The following LRRC7 variants were observed in gnomAD, a reference collection of about 807,000 sequenced individuals.
LRRC7 encodes the protein leucine rich repeat containing 7, also known as leucine-rich repeat-containing protein 7.
LRRC7 carries 23 observed loss-of-function variants against 175.7 expected under a neutral mutation model. The observed-to-expected ratio is 0.13, with a 90% CI of 0.09 to 0.19. LRRC7 has a LOEUF of 0.19. Ranked by LOEUF, LRRC7 falls within the 10% of genes least tolerant of loss-of-function variation. LRRC7 has a pLI of 1.00. For missense variants in LRRC7, 1,354 were observed against 1,904.7 expected (o/e 0.71, Z 5.38); for synonymous variants, 685 against 680.9 (o/e 1.01, Z -0.09).
chr1:70,120,825 C>T (rs1050946984), intron 26 of LRRC7, among the ~76,000 whole-genome samples: 29 of 152,026 alleles, frequency 1.9e-4, no homozygotes, highest in Admixed American at 1.4e-3. Context: ...ACATAACCAT[C>T]AGTCATTCAG....
chr1:69,842,066 A>G (rs1165204900), intron 7 of LRRC7, among the ~76,000 whole-genome samples: 2 of 152,140 alleles, frequency 1.3e-5, no homozygotes, highest in Non-Finnish European at 2.9e-5. Flanking sequence ...ATAACTTCAT[A>G]TAATTAATAT....
chr1:69,817,574 G>A (rs1238939668), intron 4 of LRRC7, among the ~76,000 whole-genome samples: 3 of 151,936 alleles, frequency 2.0e-5, no homozygotes, highest in African/African-American at 7.2e-5. Context: ...GAGGCTTCCA[G>A]CTTTTTCTTC....
At chr1:69,994,365 T>C (rs1452404504) in intron 10 of LRRC7, among the ~76,000 whole-genome samples, 196 bp from the exon 11 acceptor site, 2 of 152,188 alleles carry the variant, frequency 1.3e-5, no homozygotes, top group Non-Finnish European at 2.9e-5. Context: ...CTGTCATTGA[T>C]GTATGCAACT....
intron 4 of LRRC7, among the ~76,000 whole-genome samples, chr1:69,798,320 A>T (rs1676046853): frequency 6.6e-6 from 1 of 151,982 alleles, no homozygotes; most frequent in South Asian, 2.1e-4. Context: ...CCTCTGACTA[A>T]ATCATTTTTT....
chr1:69,799,465 A>G (rs970249188), intron 4 of LRRC7, among the ~76,000 whole-genome samples: 15 of 152,034 alleles, frequency 9.9e-5, no homozygotes, highest in African/African-American at 1.9e-4. Flanking sequence ...GCAATATTTG[A>G]CTTTCTGTCT....
chr1:69,717,834 G>GAAA (rs1370578880), intron 2 of LRRC7, among the ~76,000 whole-genome samples: 15 of 30,228 alleles, frequency 5.0e-4, no homozygotes, highest in East Asian at 4.4e-3. Flanking sequence ...AAGAAAGAAA[G>GAAA]AAAGAAAAAA....
intron 9 of LRRC7, among the ~76,000 whole-genome samples, chr1:69,981,762 TA>T: frequency 6.6e-6 from 1 of 152,194 alleles, no homozygotes; most frequent in East Asian, 1.9e-4. Flanking sequence ...ATATGCCAGC[TA>T]AAAGTTTATA....
intron 24 of LRRC7, among the ~76,000 whole-genome samples, chr1:70,089,516 G>A (rs1013884366): frequency 6.6e-6 from 1 of 152,056 alleles, no homozygotes; most frequent in Non-Finnish European, 1.5e-5. Flanking sequence ...TTCTTGCCCA[G>A]GTAATTTCAA....
chr1:70,116,597 A>G (rs1665879425), intron 26 of LRRC7, among the ~76,000 whole-genome samples: 1 of 151,888 alleles, frequency 6.6e-6, no homozygotes, highest in Non-Finnish European at 1.5e-5. Flanking sequence ...TTTGTTCTGC[A>G]AAGGTTTTTT....
intron 7 of LRRC7, among the ~76,000 whole-genome samples, chr1:69,838,503 C>T (rs1218940557): frequency 6.6e-6 from 1 of 151,806 alleles, no homozygotes; most frequent in South Asian, 2.1e-4. Context: ...GGAAAGAGTT[C>T]ACTTAAGTTT....
chr1:69,704,695 C>A (rs773148294), intron 2 of LRRC7, among the ~76,000 whole-genome samples: 1 of 151,788 alleles, frequency 6.6e-6, no homozygotes, highest in Non-Finnish European at 1.5e-5. Context: ...GCTAAAAAAT[C>A]TTTTATTTTC....
chr1:69,769,616 T>A (rs1412107188), intron 3 of LRRC7, among the ~76,000 whole-genome samples: 1 of 152,222 alleles, frequency 6.6e-6, no homozygotes, highest in Non-Finnish European at 1.5e-5. Flanking sequence ...TATCTCATTA[T>A]GTATATGCAA....
intron 26 of LRRC7, among the ~76,000 whole-genome samples, chr1:70,116,460 T>C (rs543448426): frequency 1.6e-4 from 24 of 146,102 alleles, no homozygotes; most frequent in African/African-American, 6.1e-4. Flanking sequence ...GGCGGGAGAA[T>C]GGCGTGAGCC....
intron 14 of LRRC7, among the ~76,000 whole-genome samples, chr1:70,017,498 C>CT (rs1195257669): frequency 1.3e-5 from 2 of 152,006 alleles, no homozygotes; most frequent in Non-Finnish European, 2.9e-5. Context: ...TATTAGTCCT[C>CT]TTTTTTCTTG....
In LRRC7 at chr1:70,124,608, G is replaced by A. The variant is rs1217427425; in HGVS notation, c.*2721G>A. Among the ~76,000 whole-genome samples, 1 of 151,924 alleles carries A rather than the reference G, an allele frequency of 6.6e-6. No individual in the cohort carries two copies. The highest frequency in any genetic ancestry group is 2.4e-5 in the African/African-American group (1 of 41,370). On this transcript the variant is annotated 3_prime_UTR_variant, in exon 27 of 27. Transcript: ENST00000651989. Reference sequence around the variant, plus strand: ...CTGAATAGAATCACTAAACACTTGAGGGGTATAAACCTCACTAATTCTATA... The same window carrying A: ...CTGAATAGAATCACTAAACACTTGAAGGGTATAAACCTCACTAATTCTATA...
At chr1:69,914,757 G>A (rs1250806905) in intron 7 of LRRC7, among the ~76,000 whole-genome samples, 2 of 152,064 alleles carry the variant, frequency 1.3e-5, no homozygotes, top group Non-Finnish European at 2.9e-5. Context: ...TGGCAAGTCT[G>A]TTTTTGTAAA....
Position 69,849,878 on chromosome 1 carries a change from A to T in LRRC7, c.647+11595A>T, listed in dbSNP as rs528132230. Reference sequence around the variant, plus strand: ...ATGTACCTAATAGGTGTCAGACACTATTCTCAGTGCCAAGGAATCTAACAA... The same window carrying T: ...ATGTACCTAATAGGTGTCAGACACTTTTCTCAGTGCCAAGGAATCTAACAA... On this transcript the variant is annotated intron_variant, in intron 7 of 26. Coordinates refer to ENST00000651989, the MANE Select transcript of LRRC7 (RefSeq NM_001370785.2). Among the ~76,000 whole-genome samples the T allele has an allele frequency of 3.3e-5, 5 of 152,254 alleles. No individual in the cohort carries two copies. In the East Asian group the frequency reaches 9.6e-4, roughly 29 times the overall value.
intron 24 of LRRC7, among the ~76,000 whole-genome samples, chr1:70,082,117 C>A (rs1663252921): frequency 6.6e-6 from 1 of 152,070 alleles, no homozygotes; most frequent in Non-Finnish European, 1.5e-5. Context: ...GGTCAACTGC[C>A]CAAAGAGCAC....
chr1:70,130,680 A>G lies in LRRC7; in HGVS notation c.*8793A>G, dbSNP rs983562700. On this transcript the variant is annotated 3_prime_UTR_variant, in exon 27 of 27. Coordinates refer to ENST00000651989, the MANE Select transcript of LRRC7 (RefSeq NM_001370785.2). Reference sequence around the variant, plus strand: ...GGCTTTTATTTAATTGGAGCACACCATATCTATCCTTTTGATTTGATTGGG... The same window carrying G: ...GGCTTTTATTTAATTGGAGCACACCGTATCTATCCTTTTGATTTGATTGGG... Among the ~76,000 whole-genome samples the G allele has an allele frequency of 3.9e-5, 6 of 152,226 alleles. No homozygotes were observed. The highest frequency in any genetic ancestry group is 1.9e-4 in the East Asian group (1 of 5,204).
Sources: gnomAD v4.1 joint callset for allele counts (sites outside exome capture counted in the v4.1 genomes callset) on GRCh38, gnomAD v4.1.1 for gene constraint, MANE v1.5 for transcripts, NCBI Gene and HGNC (gene_info 2026-07-23, HGNC 2026-07-21) for gene names.